The following CDH18 variants were observed in gnomAD, a reference collection of about 807,000 sequenced individuals.
CDH18 encodes cadherin 18.
Under a neutral mutation model 67.9 loss-of-function variants are expected in CDH18, and 31 were observed. The observed-to-expected ratio is 0.46, with a 90% CI of 0.34 to 0.62. CDH18 has a LOEUF of 0.62. Among genes scored for constraint, CDH18 ranks in the 20% least tolerant of loss-of-function variants. CDH18 has a pLI of 0.01. For synonymous variants in CDH18, 362 were observed against 347.2 expected, an observed-to-expected ratio of 1.04 and a Z score of -0.48; for missense variants, 890 against 975.5, an observed-to-expected ratio of 0.91 and a Z score of 1.17.
chr5:19,496,617 A>G (rs945248496), intron 11 of CDH18, among the ~76,000 whole-genome samples: 3 of 152,126 alleles, frequency 2.0e-5, no homozygotes, highest in Admixed American at 6.6e-5. Flanking sequence ...GTTCAAGACC[A>G]GTCTGGCCAA....
chr5:19,856,256 G>A (rs1448374777), intron 2 of CDH18, among the ~76,000 whole-genome samples: 1 of 152,178 alleles, frequency 6.6e-6, no homozygotes, highest in Non-Finnish European at 1.5e-5. Flanking sequence ...AGGGCTAGGT[G>A]TCTGTGTTTT....
At chr5:19,556,940 A>C (rs1230744479) in intron 8 of CDH18, among the ~76,000 whole-genome samples, 1 of 152,198 alleles carries the variant, frequency 6.6e-6, no homozygotes, top group Non-Finnish European at 1.5e-5. Flanking sequence ...CAGATTTCTC[A>C]GGAGAAATCC....
chr5:20,263,478 C>G (rs1378415332), intron 1 of CDH18, among the ~76,000 whole-genome samples: 1 of 152,042 alleles, frequency 6.6e-6, no homozygotes. Context: ...TTTGACAGTA[C>G]TGTAACCCTT....
intron 2 of CDH18, among the ~76,000 whole-genome samples, chr5:20,118,862 G>GT (rs1397564328): frequency 6.6e-6 from 1 of 152,026 alleles, no homozygotes; most frequent in Non-Finnish European, 1.5e-5. Context: ...CAACAGGCTC[G>GT]TAAGTGCACT....
chr5:20,412,724 T>C (rs564195739), intron 1 of CDH18, among the ~76,000 whole-genome samples: 4 of 152,238 alleles, frequency 2.6e-5, no homozygotes, highest in South Asian at 4.1e-4. Flanking sequence ...AACAAACTTA[T>C]TAAAAAATGC....
chr5:19,508,377 C>T (rs941048052), intron 10 of CDH18, among the ~76,000 whole-genome samples: 22 of 152,012 alleles, frequency 1.4e-4, no homozygotes, highest in African/African-American at 3.9e-4. Flanking sequence ...TGTTACCTTG[C>T]TATTTCTTTG....
At chr5:19,846,943 T>G (rs1354179706) in intron 2 of CDH18, among the ~76,000 whole-genome samples, 2 of 151,960 alleles carry the variant, frequency 1.3e-5, no homozygotes, top group African/African-American at 4.8e-5. Flanking sequence ...CTTTAGCACT[T>G]TTAATATATT....
At chr5:20,382,393 GTTTT>G (rs1158149718) in intron 1 of CDH18, among the ~76,000 whole-genome samples, 1 of 152,018 alleles carries the variant, frequency 6.6e-6, no homozygotes, top group Non-Finnish European at 1.5e-5. Context: ...AAGGCTTTTT[GTTTT>G]TTTAACTGCA....
intron 5 of CDH18, among the ~76,000 whole-genome samples, chr5:19,715,337 G>A (rs1765214306): frequency 6.6e-6 from 1 of 152,102 alleles, no homozygotes; most frequent in Non-Finnish European, 1.5e-5. Context: ...GTCTTTAACT[G>A]AGTTCATTTT....
At chr5:20,566,404 T>A (rs1758510020) in intron 1 of CDH18, among the ~76,000 whole-genome samples, 1 of 146,248 alleles carries the variant, frequency 6.8e-6, no homozygotes. Context: ...TCTGTCACCA[T>A]GTTGGAGTGC....
Position 20,222,997 on chromosome 5 carries a change from T to C in CDH18, c.-518+32447A>G, listed in dbSNP as rs545661150. 3.3e-5 allele frequency among the ~76,000 whole-genome samples: 5 copies of C among 152,226 alleles called. No homozygotes were observed. In the South Asian group the frequency reaches 8.3e-4, roughly 25 times the overall value. On this transcript the variant is annotated intron_variant, in intron 2 of 14. Coordinates refer to the CDH18 transcript ENST00000507958. ...GATTTATTTTTATTATATAAATAAT[T>C]ATTTGATAAAATTAACTTTTAATCA...
intron 1 of CDH18, among the ~76,000 whole-genome samples, chr5:19,987,359 A>C (rs7736515): frequency 0.13 from 20,197 of 151,970 alleles, 3,324 homozygotes; most frequent in African/African-American, 0.39. Flanking sequence ...CTTCCACACT[A>C]AAACAAGAAG....
At chr5:19,963,354 G>A (rs138107266) in intron 2 of CDH18, among the ~76,000 whole-genome samples, 177 of 152,152 alleles carry the variant, frequency 1.2e-3, no homozygotes, top group African/African-American at 4.1e-3. Context: ...AGAACTGTCC[G>A]AGCCTGGATA....
intron 1 of CDH18, among the ~76,000 whole-genome samples, chr5:20,397,608 A>G (rs1366088922): frequency 6.6e-6 from 1 of 152,162 alleles, no homozygotes; most frequent in Non-Finnish European, 1.5e-5. Context: ...ATGATCATGT[A>G]CTTTTTAGAC....
chr5:20,471,927 T>A (rs888774714), intron 1 of CDH18, among the ~76,000 whole-genome samples: 1 of 152,218 alleles, frequency 6.6e-6, no homozygotes, highest in African/African-American at 2.4e-5. Context: ...CATTCTCATA[T>A]CTCAGGCAAT....
intron 3 of CDH18, among the ~76,000 whole-genome samples, chr5:19,826,570 T>C (rs903613689): frequency 1.3e-5 from 2 of 152,228 alleles, no homozygotes; most frequent in African/African-American, 4.8e-5. Flanking sequence ...TAGGGGACTA[T>C]ATTTAGCATT....
At chr5:20,496,363 A>G (rs1753905596) in intron 1 of CDH18, among the ~76,000 whole-genome samples, 2 of 152,204 alleles carry the variant, frequency 1.3e-5, no homozygotes, top group African/African-American at 4.8e-5. Context: ...TTTTAAACAC[A>G]AAAGTGAAAG....
chr5:20,095,415 G>GAAAGAAAGAAAGAAAGAAAGAAAGA, intron 2 of CDH18, among the ~76,000 whole-genome samples: 2 of 122,734 alleles, frequency 1.6e-5, no homozygotes, highest in South Asian at 2.8e-4. Flanking sequence ...AAGAAAGAAA[G>GAAAGAAAGAAAGAAAGAAAGAAAGA]AAAGAAAGAA....
intron 9 of CDH18, among the ~76,000 whole-genome samples, chr5:19,528,379 C>T (rs1490307361): frequency 1.3e-5 from 2 of 151,364 alleles, no homozygotes; most frequent in Non-Finnish European, 3.0e-5. Context: ...TTTATTCTTT[C>T]TTTTTCTGGG....
Sources: gnomAD v4.1 joint callset for allele counts (sites outside exome capture counted in the v4.1 genomes callset) on GRCh38, gnomAD v4.1.1 for gene constraint, MANE v1.5 for transcripts, NCBI Gene and HGNC (gene_info 2026-07-23, HGNC 2026-07-21) for gene names.